The following RIN3 variants were observed in gnomAD, a reference collection of about 807,000 sequenced individuals.
RIN3 encodes RAB5 interacting protein 3.
Under a neutral mutation model 76.3 loss-of-function variants are expected in RIN3, and 54 were observed. The observed-to-expected ratio is 0.71, with a 90% CI of 0.57 to 0.89. The LOEUF is 0.89. RIN3 is among the 40% of genes least tolerant of loss of function. The probability of loss-of-function intolerance (pLI) is 0.00; values close to 1 mark genes in which losing one functional copy is unlikely to be tolerated. For missense variants in RIN3, 1,256 were observed against 1,322.1 expected (o/e 0.95, Z 0.78); for synonymous variants, 576 against 564.0 (o/e 1.02, Z -0.30).
rs1309919005 is a variant in RIN3, at chr14:92,615,493, G to T, written c.440+14G>T. ...CTGTGTCAGTAGGTGAGTAGACCCG[G>T]CCCTGCAGGAGGTTATCTGGTTGTA... On this transcript the variant is annotated intron_variant, in intron 4 of 9. Coordinates refer to ENST00000216487, the MANE Select transcript of RIN3 (RefSeq NM_024832.5). 3.7e-6 allele frequency: 6 copies of T among 1,609,230 alleles called. No individual in the cohort carries two copies. In the East Asian group the frequency reaches 1.1e-4, roughly 30 times the overall value.
At chr14:92,642,872 T>A (rs1371905044) in intron 5 of RIN3, among the ~76,000 whole-genome samples, 1 of 152,196 alleles carries the variant, frequency 6.6e-6, no homozygotes, top group Non-Finnish European at 1.5e-5. Flanking sequence ...TTAGCTGCCA[T>A]TGGCTCGTCG....
intron 5 of RIN3, among the ~76,000 whole-genome samples, chr14:92,651,306 C>A (rs978226583): frequency 6.6e-6 from 1 of 152,132 alleles, no homozygotes; most frequent in Non-Finnish European, 1.5e-5. Context: ...GGCTCTCACA[C>A]CAAGGAAGAG....
intron 1 of RIN3, among the ~76,000 whole-genome samples, chr14:92,516,106 C>T (rs1896434464): frequency 6.6e-6 from 1 of 152,162 alleles, no homozygotes; most frequent in Admixed American, 6.5e-5. Flanking sequence ...ACCATAGCAA[C>T]TAGACCAGTC....
At chr14:92,637,434 A>C (rs1255690652) in intron 4 of RIN3, among the ~76,000 whole-genome samples, 1 of 152,152 alleles carries the variant, frequency 6.6e-6, no homozygotes, top group Non-Finnish European at 1.5e-5. Flanking sequence ...AGACAGATGA[A>C]GCTTTGCTCA....
intron 3 of RIN3, among the ~76,000 whole-genome samples, chr14:92,598,208 C>T (rs892862325): frequency 6.6e-6 from 1 of 152,110 alleles, no homozygotes; most frequent in Admixed American, 6.5e-5. Flanking sequence ...CTGGAGAGAC[C>T]ATGTGGAGAG....
intron 8 of RIN3, among the ~76,000 whole-genome samples, chr14:92,680,449 C>T (rs1005115315): frequency 3.3e-5 from 5 of 152,156 alleles, no homozygotes; most frequent in Non-Finnish European, 4.4e-5. Flanking sequence ...ATCTGCCTGC[C>T]TCAGCCTCCC....
chr14:92,660,986 G>A (rs866449560), intron 7 of RIN3, among the ~76,000 whole-genome samples: 1 of 152,178 alleles, frequency 6.6e-6, no homozygotes, highest in Non-Finnish European at 1.5e-5. Context: ...TCACAGACGT[G>A]GGTTCGAACT....
intron 1 of RIN3, among the ~76,000 whole-genome samples, chr14:92,537,736 C>A (rs567523494): frequency 2.0e-5 from 3 of 151,038 alleles, no homozygotes; most frequent in African/African-American, 7.3e-5. Flanking sequence ...CCTCTGCCCC[C>A]CCGCCACCAG....
At chr14:92,556,425 C>A (rs1409298071) in intron 2 of RIN3, among the ~76,000 whole-genome samples, 3 of 152,156 alleles carry the variant, frequency 2.0e-5, no homozygotes, top group Non-Finnish European at 4.4e-5. Flanking sequence ...GGAGGTCAGG[C>A]TCTGTGAGCT....
chr14:92,677,403 G>A (rs568120485), intron 8 of RIN3, among the ~76,000 whole-genome samples: 307 of 152,288 alleles, frequency 2.0e-3, no homozygotes, highest in Non-Finnish European at 3.4e-3. Flanking sequence ...ATCCTCCCAG[G>A]CCCTGAGGGT....
intron 2 of RIN3, among the ~76,000 whole-genome samples, chr14:92,574,861 T>C (rs1362482785): frequency 6.6e-6 from 1 of 152,150 alleles, no homozygotes. Flanking sequence ...GGCCACCCTC[T>C]GTAAGCCAAG....
intron 8 of RIN3, among the ~76,000 whole-genome samples, chr14:92,683,309 C>T (rs899212196): frequency 2.6e-5 from 4 of 152,286 alleles, no homozygotes; most frequent in African/African-American, 9.6e-5. Context: ...TCCAGGGTCT[C>T]CTTGCCCTCC....
chr14:92,636,156 T>G lies in RIN3; in HGVS notation c.441-5082T>G, dbSNP rs1595472680. On this transcript the variant is annotated intron_variant, in intron 4 of 9. Coordinates refer to ENST00000216487, the MANE Select transcript of RIN3 (RefSeq NM_024832.5). Reference sequence around the variant, plus strand: ...AAAGAGCTAATATACGTAAAGTGCTTAAAACTGCTCCTGGACACTTAGTAA... The same window carrying G: ...AAAGAGCTAATATACGTAAAGTGCTGAAAACTGCTCCTGGACACTTAGTAA... 3.3e-5 allele frequency among the ~76,000 whole-genome samples: 5 copies of G among 152,248 alleles called. No individual in the cohort carries two copies. In the South Asian group the frequency reaches 1.0e-3, roughly 32 times the overall value.
chr14:92,639,686 A>G (rs1297015883), intron 4 of RIN3, among the ~76,000 whole-genome samples: 3 of 152,090 alleles, frequency 2.0e-5, no homozygotes, highest in Non-Finnish European at 2.9e-5. Flanking sequence ...TGGGCTGGCC[A>G]CCCCTTTTCC....
rs1896788929 is a variant in RIN3, at chr14:92,528,026, G to A, written c.44+14050G>A. On this transcript the variant is annotated intron_variant, in intron 1 of 9. Coordinates refer to ENST00000216487, the MANE Select transcript of RIN3 (RefSeq NM_024832.5). ...GCATTTGGGCTGCTATGTGAAGAAG[G>A]ATGTGGGGGCAGCTCAGGGAGGGGG... Among the ~76,000 whole-genome samples the A allele has an allele frequency of 1.3e-5, 2 of 151,124 alleles. 1 individual carries two copies. Among genetic ancestry groups the A allele is most frequent in the Admixed American group, 1.3e-4 (2 of 15,176 alleles).
chr14:92,630,860 A>G (rs2140119889), intron 4 of RIN3, among the ~76,000 whole-genome samples: 1 of 152,106 alleles, frequency 6.6e-6, no homozygotes, highest in African/African-American at 2.4e-5. Context: ...GAAGCTTGTG[A>G]CCCTGGGCAA....
intron 3 of RIN3, among the ~76,000 whole-genome samples, chr14:92,602,031 G>A (rs1168713242): frequency 6.6e-6 from 1 of 152,240 alleles, no homozygotes; most frequent in Admixed American, 6.5e-5. Context: ...CATGAACAGT[G>A]TAGTGGGGAG....
intron 8 of RIN3, among the ~76,000 whole-genome samples, chr14:92,678,650 C>T (rs1447558743): frequency 2.6e-5 from 4 of 151,764 alleles, no homozygotes. Context: ...CATTCATCTA[C>T]CATCCATCCA....
intron 1 of RIN3, among the ~76,000 whole-genome samples, chr14:92,525,408 C>T (rs1896703815): frequency 6.6e-6 from 1 of 152,038 alleles, no homozygotes; most frequent in African/African-American, 2.4e-5. Context: ...GAATGCTCCA[C>T]CAAGAACACT....
Sources: gnomAD v4.1 joint callset for allele counts (sites outside exome capture counted in the v4.1 genomes callset) on GRCh38, gnomAD v4.1.1 for gene constraint, MANE v1.5 for transcripts, NCBI Gene and HGNC (gene_info 2026-07-23, HGNC 2026-07-21) for gene names.